S100Z: variants seen among roughly 807,000 people sequenced by gnomAD.
S100Z encodes the protein protein S100-Z.
S100Z carries 11 observed loss-of-function variants against 8.5 expected under a neutral mutation model. That is an observed-to-expected ratio of 1.30 (90% confidence interval 0.82 to 2.15). The LOEUF (loss-of-function observed/expected upper bound fraction) is 2.15, where lower values mean the gene tolerates loss of function less well. Ranked by LOEUF, S100Z falls within the 30% of genes most tolerant of loss-of-function variation. S100Z has a pLI of 0.00. For missense variants in S100Z, 126 were observed against 117.9 expected (o/e 1.07, Z -0.32); for synonymous variants, 34 against 43.8 (o/e 0.78, Z 0.89).
chr5:76,903,897 T>TG (rs1561245888), intron 4 of S100Z, among the ~76,000 whole-genome samples: 1 of 151,204 alleles, frequency 6.6e-6, no homozygotes, highest in East Asian at 2.0e-4. Context: ...GCTATTTTTT[T>TG]TGTGTGTGTG....
chr5:76,936,600 A>G, the S100Z span, among the ~76,000 whole-genome samples: 1 of 146,642 alleles, frequency 6.8e-6, no homozygotes, highest in Admixed American at 7.0e-5. Context: ...CTCTCCCAAA[A>G]CTCCATTAAA....
At chr5:76,868,279 T>C (rs192393679) in intron 1 of S100Z, among the ~76,000 whole-genome samples, 21 of 152,258 alleles carry the variant, frequency 1.4e-4, no homozygotes, top group Admixed American at 5.2e-4. Flanking sequence ...GTCCTGGAGA[T>C]TGACACTAAG....
chr5:76,941,930 CA>C, the S100Z span, among the ~76,000 whole-genome samples: 1 of 151,308 alleles, frequency 6.6e-6, no homozygotes. Context: ...TTATTTTATT[CA>C]CTGGTTTATA....
At chr5:76,898,058 C>G (rs192387572) in intron 4 of S100Z, among the ~76,000 whole-genome samples, 17 of 152,270 alleles carry the variant, frequency 1.1e-4, no homozygotes, top group Non-Finnish European at 1.2e-4. Context: ...CTTGTTGTAT[C>G]CCAGATCTTA....
intron 4 of S100Z, among the ~76,000 whole-genome samples, chr5:76,901,953 C>T (rs1467127498): frequency 1.3e-5 from 2 of 152,108 alleles, no homozygotes; most frequent in Non-Finnish European, 2.9e-5. Context: ...CGGGTTCTTT[C>T]CTTCAAGGCA....
At chr5:76,932,698 T>G in the S100Z span, among the ~76,000 whole-genome samples, 1 of 152,232 alleles carries the variant, frequency 6.6e-6, no homozygotes, top group Non-Finnish European at 1.5e-5. Context: ...TGTCTCCCAC[T>G]GTGTGGCCGA....
At chr5:76,908,585 C>G (rs536085550) in intron 4 of S100Z, among the ~76,000 whole-genome samples, 1 of 152,148 alleles carries the variant, frequency 6.6e-6, no homozygotes, top group South Asian at 2.1e-4. Flanking sequence ...TGCCCAAAGC[C>G]CCATCATAGG....
chr5:76,887,283 G>C (rs951533938), intron 4 of S100Z, among the ~76,000 whole-genome samples: 1 of 150,404 alleles, frequency 6.6e-6, no homozygotes, highest in Non-Finnish European at 1.5e-5. Context: ...TTTTAGTAGA[G>C]ACAGGGTTTC....
chr5:76,937,646 A>G, the S100Z span, among the ~76,000 whole-genome samples: 28 of 149,684 alleles, frequency 1.9e-4, no homozygotes, highest in Admixed American at 6.8e-4. Context: ...CCAGCTACTC[A>G]GGAGGCTGAG....
At chr5:76,949,993 G>A in the S100Z span, among the ~76,000 whole-genome samples, 1 of 152,008 alleles carries the variant, frequency 6.6e-6, no homozygotes, top group East Asian at 1.9e-4. Flanking sequence ...AAAAATAATA[G>A]CTACATTCAT....
At chr5:76,881,330 T>G (rs146210921) in intron 4 of S100Z, among the ~76,000 whole-genome samples, 1,802 of 152,288 alleles carry the variant, frequency 0.012, 42 homozygotes, top group African/African-American at 0.04. Context: ...TCTCAGACCC[T>G]GTGGGAAAGG....
At chr5:76,863,683 C>T (rs1257621041) in intron 1 of S100Z, among the ~76,000 whole-genome samples, 23 of 151,882 alleles carry the variant, frequency 1.5e-4, no homozygotes, top group African/African-American at 2.4e-4. Context: ...GGACTACAGG[C>T]ACCCGCCACC....
At chr5:76,852,765 T>A (rs1372377348) in intron 1 of S100Z, among the ~76,000 whole-genome samples, 2 of 152,142 alleles carry the variant, frequency 1.3e-5, no homozygotes, top group Non-Finnish European at 2.9e-5. Flanking sequence ...ATGACCCGGC[T>A]GTAGGTATTT....
At chr5:76,868,839 G>A (rs1182861573) in intron 1 of S100Z, among the ~76,000 whole-genome samples, 1 of 151,946 alleles carries the variant, frequency 6.6e-6, no homozygotes, top group Non-Finnish European at 1.5e-5. Flanking sequence ...GGTCAGGCTG[G>A]TCTCAAACTC....
chr5:76,863,620 G>T (rs6864862), intron 1 of S100Z, among the ~76,000 whole-genome samples: 1 of 151,396 alleles, frequency 6.6e-6, no homozygotes, highest in Non-Finnish European at 1.5e-5. Context: ...CTCACTGCAA[G>T]CTCCGCCTCC....
chr5:76,943,769 T>TTAG, the S100Z span, among the ~76,000 whole-genome samples: 2 of 151,226 alleles, frequency 1.3e-5, no homozygotes, highest in African/African-American at 2.4e-5. Flanking sequence ...ACCTTAGAGA[T>TTAG]GAGAATGACC....
the S100Z span, among the ~76,000 whole-genome samples, chr5:76,943,637 C>G: frequency 1.3e-5 from 2 of 152,178 alleles, no homozygotes; most frequent in Admixed American, 1.3e-4. Flanking sequence ...TGCTTCCTTG[C>G]ATTTTTCCTG....
the S100Z span, among the ~76,000 whole-genome samples, chr5:76,943,218 G>C: frequency 2.0e-5 from 3 of 152,058 alleles, no homozygotes; most frequent in African/African-American, 4.8e-5. Context: ...AACATTTGAG[G>C]ACCGAAACAG....
chr5:76,871,426 C>T (rs914781878), intron 2 of S100Z, among the ~76,000 whole-genome samples: 4 of 152,118 alleles, frequency 2.6e-5, no homozygotes, highest in African/African-American at 9.7e-5. Flanking sequence ...GCTTCCACAG[C>T]CCCCTTTATC....
Sources: allele counts gnomAD v4.1 joint callset (sites outside exome capture counted in the v4.1 genomes callset), GRCh38; gene constraint gnomAD v4.1.1; transcripts MANE v1.5; gene names NCBI Gene and HGNC (gene_info 2026-07-23, HGNC 2026-07-21).